DPP6: variants seen among roughly 807,000 people sequenced by gnomAD.
DPP6 encodes dipeptidyl peptidase like 6.
In DPP6, 69 loss-of-function variants were observed where a neutral mutation model predicts 122.6. That is an observed-to-expected ratio of 0.56 (90% confidence interval 0.46 to 0.69). The LOEUF is 0.69. DPP6 is among the 30% of genes least tolerant of loss of function. The pLI is 0.00. For missense variants in DPP6, 928 were observed against 1,116.9 expected, an observed-to-expected ratio of 0.83 and a Z score of 2.41; for synonymous variants, 418 against 433.1, an observed-to-expected ratio of 0.97 and a Z score of 0.43.
At chr7:153,891,189 T>G (rs1386013062) in intron 1 of DPP6, among the ~76,000 whole-genome samples, 1 of 151,152 alleles carries the variant, frequency 6.6e-6, no homozygotes, top group African/African-American at 2.4e-5. Flanking sequence ...GCCCGGCTAA[T>G]TTTTTTGTAT....
At chr7:153,910,592 C>G (rs776862234) in intron 1 of DPP6, among the ~76,000 whole-genome samples, 4 of 152,122 alleles carry the variant, frequency 2.6e-5, no homozygotes, top group Non-Finnish European at 5.9e-5. Context: ...ATGTCAGCCT[C>G]TGAGCTTTAG....
chr7:154,216,363 C>T (rs1799994941), intron 1 of DPP6, among the ~76,000 whole-genome samples: 1 of 152,204 alleles, frequency 6.6e-6, no homozygotes, highest in Non-Finnish European at 1.5e-5. Flanking sequence ...GTGACCCTTA[C>T]TTGAGGATGC....
chr7:154,173,164 G>C (rs958422721), intron 1 of DPP6, among the ~76,000 whole-genome samples: 34 of 152,054 alleles, frequency 2.2e-4, no homozygotes, highest in Non-Finnish European at 1.5e-5. Flanking sequence ...TTGAAGTCTT[G>C]GTTAATTTAT....
chr7:154,291,905 A>G (rs1271603157), intron 1 of DPP6, among the ~76,000 whole-genome samples: 1 of 152,234 alleles, frequency 6.6e-6, no homozygotes, highest in Non-Finnish European at 1.5e-5. Flanking sequence ...ATACCTCAGA[A>G]TAAAGGAGCG....
chr7:154,216,694 C>T (rs1196107708), intron 1 of DPP6, among the ~76,000 whole-genome samples: 1 of 152,136 alleles, frequency 6.6e-6, no homozygotes, highest in Admixed American at 6.5e-5. Flanking sequence ...TCCCCAGGCA[C>T]TGAGTCCCAG....
chr7:153,825,411 A>G, the DPP6 span, among the ~76,000 whole-genome samples: 11 of 152,210 alleles, frequency 7.2e-5, no homozygotes, highest in African/African-American at 2.7e-4. Context: ...TCAGGCTGCT[A>G]TGGAGGCACA....
intron 1 of DPP6, among the ~76,000 whole-genome samples, chr7:154,294,540 A>G (rs1805411434): frequency 6.6e-6 from 1 of 152,138 alleles, no homozygotes; most frequent in African/African-American, 2.4e-5. Context: ...TAGTTCATGT[A>G]TTTCATGTTG....
At chr7:153,931,529 A>G (rs1458457744) in intron 1 of DPP6, among the ~76,000 whole-genome samples, 1 of 151,362 alleles carries the variant, frequency 6.6e-6, no homozygotes, top group Non-Finnish European at 1.5e-5. Context: ...TGTTCCTTAC[A>G]GAAAAAACAA....
chr7:154,022,950 A>G (rs144347293), intron 1 of DPP6, among the ~76,000 whole-genome samples: 1 of 152,242 alleles, frequency 6.6e-6, no homozygotes, highest in Non-Finnish European at 1.5e-5. Flanking sequence ...CTCTTTCTTA[A>G]CTTCTAATCC....
intron 1 of DPP6, among the ~76,000 whole-genome samples, chr7:154,359,394 C>A (rs1811538402): frequency 6.6e-6 from 1 of 152,162 alleles, no homozygotes; most frequent in Non-Finnish European, 1.5e-5. Context: ...CTTCTACTCA[C>A]CCCTTCAAGT....
intron 1 of DPP6, among the ~76,000 whole-genome samples, chr7:154,061,620 GGGGGGAGGCACCCGC>G (rs1801906018): frequency 1.5e-5 from 2 of 129,454 alleles, no homozygotes; most frequent in Admixed American, 7.6e-5. Context: ...CCATCACAGG[GGGGGGAGGCACCCGC>G]TGCGAGGCGG....
chr7:153,916,990 T>C (rs1800356066), intron 1 of DPP6, among the ~76,000 whole-genome samples: 1 of 152,226 alleles, frequency 6.6e-6, no homozygotes, highest in Admixed American at 6.5e-5. Flanking sequence ...AGCGAGTGTG[T>C]CCCAGAGCTT....
chr7:154,536,575 T>G (rs1828271971), intron 3 of DPP6, among the ~76,000 whole-genome samples: 2 of 152,154 alleles, frequency 1.3e-5, no homozygotes, highest in Non-Finnish European at 2.9e-5. Context: ...ACAGGCTGAA[T>G]GTAATGCATA....
chr7:154,130,119 AAAAG>A (rs1230911776), intron 1 of DPP6, among the ~76,000 whole-genome samples: 1 of 152,024 alleles, frequency 6.6e-6, no homozygotes, highest in African/African-American at 2.4e-5. Context: ...AGGAAAGAAA[AAAAG>A]AAAAGAAAAC....
chr7:154,222,850 G>A (rs1376121542), intron 1 of DPP6, among the ~76,000 whole-genome samples: 1 of 148,714 alleles, frequency 6.7e-6, no homozygotes, highest in Non-Finnish European at 1.5e-5. Flanking sequence ...TGCTCAGTCT[G>A]GAACTCCAAT....
At chr7:153,911,654 G>T (rs1035791378) in intron 1 of DPP6, among the ~76,000 whole-genome samples, 1 of 152,176 alleles carries the variant, frequency 6.6e-6, no homozygotes, top group Non-Finnish European at 1.5e-5. Flanking sequence ...GTGTCAGTGT[G>T]GCTCACAGTG....
intron 1 of DPP6, among the ~76,000 whole-genome samples, chr7:154,346,352 G>C (rs992299234): frequency 6.6e-6 from 1 of 151,938 alleles, no homozygotes; most frequent in East Asian, 1.9e-4. Flanking sequence ...TCCCAGGCTG[G>C]AGTGCAATGA....
chr7:154,167,323 A>G (rs1284342219), intron 1 of DPP6, among the ~76,000 whole-genome samples: 1 of 152,244 alleles, frequency 6.6e-6, no homozygotes, highest in Non-Finnish European at 1.5e-5. Context: ...CCAGTAGCTT[A>G]GCAAGTGGTA....
intron 7 of DPP6, among the ~76,000 whole-genome samples, chr7:154,695,486 C>A (rs1840165544): frequency 6.6e-6 from 1 of 152,146 alleles, no homozygotes; most frequent in Non-Finnish European, 1.5e-5. Flanking sequence ...AGTCTTACCA[C>A]CCTATTTTTA....
Sources: allele counts gnomAD v4.1 joint callset (sites outside exome capture counted in the v4.1 genomes callset), GRCh38; gene constraint gnomAD v4.1.1; transcripts MANE v1.5; gene names NCBI Gene and HGNC (gene_info 2026-07-23, HGNC 2026-07-21).